The following KLK7 variants were observed in gnomAD, a reference collection of about 807,000 sequenced individuals.
KLK7 encodes kallikrein related peptidase 7.
A neutral mutation model predicts 21.0 loss-of-function variants in KLK7; 17 were observed. The observed-to-expected ratio is 0.81, with a 90% CI of 0.55 to 1.21. The LOEUF (loss-of-function observed/expected upper bound fraction) is 1.21. Ranked by LOEUF, KLK7 falls within the 50% of genes most tolerant of loss-of-function variation. The pLI, the probability that KLK7 is intolerant of heterozygous loss-of-function variation, is 0.00. For synonymous variants in KLK7, 151 were observed against 134.6 expected (o/e 1.12, Z -0.85); for missense variants, 330 against 322.8 (o/e 1.02, Z -0.17).
In KLK7 at chr19:50,977,420, GGTT is replaced by G; in HGVS notation, c.*113_*115del. 1 of 707,944 alleles carries G rather than the reference GGTT, an allele frequency of 1.4e-6. No individual in the cohort carries two copies. The highest frequency in any genetic ancestry group is 2.1e-6 in the Non-Finnish European group (1 of 470,782). The allele number at this position is 707,944 out of a possible 1,614,324, so 43.9% of individuals were successfully genotyped here. A position where few individuals can be genotyped will look rare whatever the true frequency, so the allele number is the denominator to read the frequency against. On this transcript the variant is annotated 3_prime_UTR_variant, in exon 6 of 6. Coordinates refer to ENST00000595820, the MANE Select transcript of KLK7 (RefSeq NM_005046.4). ...TGGTTTATCAACAGGGCATGAGGTT[GGTT>G]TAAATATATCTTTGAGGAAAGGTAA...
chr19:50,977,962 A>G (rs921561759), intron 5 of KLK7, among the ~76,000 whole-genome samples: 1 of 152,046 alleles, frequency 6.6e-6, no homozygotes, highest in African/African-American at 2.4e-5. Flanking sequence ...TTATTTTCCA[A>G]TGTTAAGGAC....
Position 50,978,930 on chromosome 19 carries a change from A to T in KLK7, c.606+858T>A, listed in dbSNP as rs2091056517. On this transcript the variant is annotated intron_variant, in intron 5 of 5. Coordinates refer to ENST00000595820, the MANE Select transcript of KLK7 (RefSeq NM_005046.4). ...AGAGGAGAGAGGGAGGGGAGGAGAG[A>T]GAGAGAAGCAAGAGAAAGAGGGAGA... Among the ~76,000 whole-genome samples, 3 of 151,142 alleles carry T rather than the reference A, an allele frequency of 2.0e-5. No individual in the cohort carries two copies. The South Asian group carries it at 6.4e-4, about 32-fold the overall frequency.
At chr19:50,983,767 C>G (rs1568550565) in intron 1 of KLK7, 84 bp downstream of exon 1, 1 of 1,274,126 alleles carries the variant, frequency 7.8e-7, no homozygotes, top group Non-Finnish European at 1.0e-6. Flanking sequence ...GGCTGCAGCC[C>G]CTACCTCTCG....
At chr19:50,980,032 G>A in intron 4 of KLK7, 108 bp from the exon 5 acceptor site, 1 of 1,410,108 alleles carries the variant, frequency 7.1e-7, no homozygotes, top group Non-Finnish European at 9.5e-7. Context: ...TGGGGCCCAG[G>A]ACTGCTGGGT....
chr19:50,979,223 G>A (rs559645846), intron 5 of KLK7, among the ~76,000 whole-genome samples: 1 of 152,208 alleles, frequency 6.6e-6, no homozygotes, highest in East Asian at 1.9e-4. Flanking sequence ...CTCAGTAACT[G>A]CAATACACAA....
Position 50,982,276 on chromosome 19 carries a change from G to C in KLK7, c.73+51C>G, listed in dbSNP as rs780552741. Reference sequence around the variant, plus strand: ...TTCTGACTCAGGGACTCCTTGGAGAGGGTCAGTGGGGGCCCTGAGGTGAGG... The same window carrying C: ...TTCTGACTCAGGGACTCCTTGGAGACGGTCAGTGGGGGCCCTGAGGTGAGG... On this transcript the variant is annotated intron_variant, in intron 2 of 5. Coordinates refer to ENST00000595820, the MANE Select transcript of KLK7 (RefSeq NM_005046.4). 7 of 1,582,000 alleles carry C rather than the reference G, an allele frequency of 4.4e-6. No homozygotes were observed. The African/African-American group carries it at 9.4e-5, about 21-fold the overall frequency.
intron 4 of KLK7, 91 bp downstream of exon 4, chr19:50,980,149 G>T: frequency 7.0e-7 from 1 of 1,420,414 alleles, no homozygotes; most frequent in Non-Finnish European, 9.6e-7. Flanking sequence ...TGGACTCCTG[G>T]GTCTGAGGGA....
At chr19:50,983,978 T>A, upstream of KLK7, 1 of 1,264,114 alleles carries the variant, frequency 7.9e-7, no homozygotes, top group Non-Finnish European at 1.0e-6. Context: ...CCCAGCGCCC[T>A]GGGGTGCAGG....
chr19:50,980,926 A>G (rs1323364958), intron 3 of KLK7, among the ~76,000 whole-genome samples: 1 of 131,500 alleles, frequency 7.6e-6, no homozygotes, highest in Non-Finnish European at 1.6e-5. Flanking sequence ...AGAGAGGGGA[A>G]CAGAGACCAG....
chr19:50,981,213 AACAGAGACCAGAGAGAGAGGGGG>A (rs1167777363), intron 3 of KLK7, among the ~76,000 whole-genome samples: 33 of 131,298 alleles, frequency 2.5e-4, no homozygotes, highest in Non-Finnish European at 4.4e-4. Flanking sequence ...GAGGAGGGGG[AACAGAGACCAGAGAGAGAGGGGG>A]ACAGAGACCC....
At chr19:50,984,044 C>G, upstream of KLK7, 3 of 635,520 alleles carry the variant, frequency 4.7e-6, no homozygotes, top group Non-Finnish European at 7.3e-6. Context: ...TATCTGGAAC[C>G]CTGACGCAGC....
At chr19:50,980,592 G>GGACAGAGACACAGAGAGAGGAGGGGA (rs1217818705) in intron 3 of KLK7, 105 bp from the exon 4 acceptor site, 1 of 1,364,180 alleles carries the variant, frequency 7.3e-7, no homozygotes, top group African/African-American at 1.4e-5. Flanking sequence ...AGAGGAGGGG[G>GGACAGAGACACAGAGAGAGGAGGGGA]GACAGAGACA....
rs2091045480 is a variant in KLK7, at chr19:50,977,365, G to A, written c.*171C>T. The A allele has an allele frequency of 1.9e-5, 12 of 639,614 alleles. No homozygotes were observed. The South Asian group carries it at 2.4e-4, about 13-fold the overall frequency. The allele number at this position is 639,614 out of a possible 1,614,324, so 39.6% of individuals were successfully genotyped here. ...CTGAGGGTTTTGTGTTTCTTTATTT[G>A]TTTTGGTTTTAGGTCTTTACCAATT... is the stretch of plus-strand genomic sequence containing the variant. On this transcript the variant is annotated 3_prime_UTR_variant, in exon 6 of 6. Transcript: ENST00000595820.
chr19:50,983,768 C>G, intron 1 of KLK7, 83 bp downstream of exon 1: 2 of 1,274,926 alleles, frequency 1.6e-6, no homozygotes, highest in South Asian at 1.3e-5. Context: ...GCTGCAGCCC[C>G]TACCTCTCGA....
intron 5 of KLK7, among the ~76,000 whole-genome samples, chr19:50,979,010 T>C (rs1184744482): frequency 6.6e-6 from 1 of 151,542 alleles, no homozygotes; most frequent in Non-Finnish European, 1.5e-5. Context: ...GAGAGCAAGC[T>C]AGCTCAACAC....
chr19:50,982,565 TCCC>T, intron 1 of KLK7, 108 bp from the exon 2 acceptor site: 1 of 159,372 alleles, frequency 6.3e-6, no homozygotes, highest in Non-Finnish European at 8.8e-6. Context: ...CAGCCCCTCC[TCCC>T]TCAGACCCAG....
chr19:50,984,035 A>C (rs545223246), upstream of KLK7: 2 of 721,062 alleles, frequency 2.8e-6, no homozygotes, highest in Admixed American at 5.1e-5. Flanking sequence ...GGTTCTGGTT[A>C]TCTGGAACCC....
At chr19:50,981,546 TCCAGAGAGAGGGGGACAGAGAC>T in intron 3 of KLK7, among the ~76,000 whole-genome samples, 199 bp downstream of exon 3, 1 of 75,856 alleles carries the variant, frequency 1.3e-5, no homozygotes, top group East Asian at 4.8e-4. Flanking sequence ...GGAACAGAGA[TCCAGAGAGAGGGGGACAGAGAC>T]CCAGAGAGAG....
intron 3 of KLK7, among the ~76,000 whole-genome samples, chr19:50,980,819 G>A (rs549135517): frequency 3.9e-4 from 53 of 136,642 alleles, no homozygotes; most frequent in African/African-American, 1.4e-3. Flanking sequence ...AGGGGACAGA[G>A]ACCCAGAGAG....
Sources: gnomAD v4.1 joint callset for allele counts (sites outside exome capture counted in the v4.1 genomes callset) on GRCh38, gnomAD v4.1.1 for gene constraint, MANE v1.5 for transcripts, NCBI Gene and HGNC (gene_info 2026-07-23, HGNC 2026-07-21) for gene names.